The following USP13 variants were observed in gnomAD, a reference collection of about 807,000 sequenced individuals.
USP13 encodes the protein ubiquitin specific peptidase 13.
Under a neutral mutation model 107.8 loss-of-function variants are expected in USP13, and 68 were observed. That is an observed-to-expected ratio of 0.63 (90% CI 0.52 to 0.77). The LOEUF is 0.77. USP13 is among the 30% of genes least tolerant of loss of function. The pLI, the probability that USP13 is intolerant of heterozygous loss-of-function variation, is 0.00. For synonymous variants in USP13, 377 were observed against 389.5 expected, an observed-to-expected ratio of 0.97 and a Z score of 0.38; for missense variants, 945 against 1,093.3, an observed-to-expected ratio of 0.86 and a Z score of 1.91.
intron 10 of USP13, among the ~76,000 whole-genome samples, chr3:179,735,158 G>A (rs1713952347): frequency 6.6e-6 from 1 of 152,290 alleles, no homozygotes; most frequent in Middle Eastern, 3.4e-3. Flanking sequence ...TAAAGTTAGT[G>A]GTCAGGACTA....
chr3:179,738,664 T>C (rs989648144), intron 10 of USP13, among the ~76,000 whole-genome samples: 1 of 152,192 alleles, frequency 6.6e-6, no homozygotes, highest in Non-Finnish European at 1.5e-5. Flanking sequence ...TGATGTGGAA[T>C]CTTCCTACCT....
chr3:179,656,419 C>T (rs1389423802), intron 1 of USP13, among the ~76,000 whole-genome samples: 1 of 152,230 alleles, frequency 6.6e-6, no homozygotes, highest in African/African-American at 2.4e-5. Flanking sequence ...AAGGCACTGT[C>T]TGTAGACCTT....
intron 19 of USP13, among the ~76,000 whole-genome samples, chr3:179,769,657 C>A (rs1489836419): frequency 6.6e-6 from 1 of 152,206 alleles, no homozygotes; most frequent in Non-Finnish European, 1.5e-5. Flanking sequence ...AGTCTGCCCA[C>A]CTCTGCCTCT....
intron 10 of USP13, among the ~76,000 whole-genome samples, chr3:179,739,038 A>G (rs1454417181): frequency 6.6e-6 from 1 of 152,040 alleles, no homozygotes; most frequent in African/African-American, 2.4e-5. Flanking sequence ...TTGTGGGGGA[A>G]CATTGGTGGT....
chr3:179,752,344 T>A lies in USP13; in HGVS notation c.1769T>A (p.Phe590Tyr), dbSNP rs758662512. The A allele has an allele frequency of 6.8e-6, 11 of 1,614,150 alleles. No individual in the cohort carries two copies. The highest frequency in any genetic ancestry group is 9.3e-6 in the Non-Finnish European group (11 of 1,180,012). The change falls in exon 14 of 21, where the codon TTT becomes TAT. Residue 590 changes from phenylalanine (F) to tyrosine (Y), a missense_variant. Physicochemically the swap from Phe to Tyr is conservative, Grantham distance 22. Transcript: ENST00000263966. ...GTAGTGCAGATAAAGAAGTTCACTT[T>A]TGGTCTTGACTGGGTTCCCAAAAAA... is the stretch of plus-strand genomic sequence containing the variant. ...YLVVQIKKFT[F>Y]GLDWVPKKFD...
At chr3:179,677,156 C>A (rs985246846) in intron 1 of USP13, among the ~76,000 whole-genome samples, 3 of 151,848 alleles carry the variant, frequency 2.0e-5, no homozygotes, top group African/African-American at 7.3e-5. Context: ...CTGTGCCCGG[C>A]CACCTGTTGA....
intron 1 of USP13, among the ~76,000 whole-genome samples, chr3:179,670,219 C>T (rs1340020771): frequency 6.6e-6 from 1 of 152,148 alleles, no homozygotes. Flanking sequence ...GTATAAAGAC[C>T]CCAATCCTCA....
Position 179,707,220 on chromosome 3 carries a change from A to C in USP13, c.620+144A>C, listed in dbSNP as rs938684184. ...AAAGTAAATATAAAACTTCTCTAAA[A>C]TTGTCTGTAGCTTTGTAGTAGATGC... is the stretch of plus-strand genomic sequence containing the variant. On this transcript the variant is annotated intron_variant, in intron 5 of 20. Coordinates refer to ENST00000263966, the MANE Select transcript of USP13 (RefSeq NM_003940.3). 5 of 1,172,428 alleles carry C rather than the reference A, an allele frequency of 4.3e-6. No individual in the cohort carries two copies. In the African/African-American group the frequency reaches 7.8e-5, roughly 18 times the overall value. 72.6% of individuals were successfully genotyped at this position (1,172,428 alleles called of 1,614,324 possible).
At chr3:179,751,326 C>T (rs887274546) in intron 13 of USP13, among the ~76,000 whole-genome samples, 1 of 152,034 alleles carries the variant, frequency 6.6e-6, no homozygotes, top group Admixed American at 6.6e-5. Context: ...ACTTCAAGGC[C>T]CAGATTCAGA....
At chr3:179,750,916 C>T (rs534896905) in intron 13 of USP13, among the ~76,000 whole-genome samples, 1 of 152,238 alleles carries the variant, frequency 6.6e-6, no homozygotes, top group East Asian at 1.9e-4. Flanking sequence ...GTGTTCTGTC[C>T]CTGCGCTGTG....
intron 15 of USP13, among the ~76,000 whole-genome samples, chr3:179,756,442 AAAC>A (rs1714804030): frequency 7.3e-6 from 1 of 136,916 alleles, no homozygotes; most frequent in South Asian, 2.4e-4. Flanking sequence ...ACAAACAAAC[AAAC>A]AAAAAATACA....
chr3:179,756,270 A>T lies in USP13; in HGVS notation c.1922-782A>T, dbSNP rs770268483. 2.0e-5 allele frequency among the ~76,000 whole-genome samples: 3 copies of T among 152,168 alleles called. No individual in the cohort carries two copies. In the East Asian group the frequency reaches 5.8e-4, roughly 29 times the overall value. On this transcript the variant is annotated intron_variant, in intron 15 of 20. Coordinates refer to ENST00000263966, the MANE Select transcript of USP13 (RefSeq NM_003940.3). ...AAACCTCACCTCTACTAAAAATACG[A>T]AAGTTCACTGGGCGTGGCCACACTT...
chr3:179,722,514 C>T (rs1162875901), intron 8 of USP13, among the ~76,000 whole-genome samples: 1 of 152,018 alleles, frequency 6.6e-6, no homozygotes, highest in Admixed American at 6.6e-5. Context: ...ATTATGGGTA[C>T]ATAACAGGTG....
chr3:179,704,146 G>A (rs1192877989), intron 4 of USP13, among the ~76,000 whole-genome samples: 1 of 152,180 alleles, frequency 6.6e-6, no homozygotes, highest in Non-Finnish European at 1.5e-5. Context: ...GGGCCTTTAA[G>A]TGATTTTGGA....
At chr3:179,783,969 C>T (rs898937908) in intron 20 of USP13, 79 bp from the exon 21 acceptor site, 21 of 1,114,332 alleles carry the variant, frequency 1.9e-5, no homozygotes, top group Non-Finnish European at 2.8e-5. Context: ...TGTTGTGCGC[C>T]ATATGATTTA....
chr3:179,738,092 G>A (rs1029876749), intron 10 of USP13, among the ~76,000 whole-genome samples: 1 of 152,178 alleles, frequency 6.6e-6, no homozygotes, highest in African/African-American at 2.4e-5. Context: ...CCAGACTATA[G>A]GCATGGACCT....
chr3:179,713,154 T>C lies in USP13; in HGVS notation c.805+4197T>C, dbSNP rs529142112. On this transcript the variant is annotated intron_variant, in intron 6 of 20. Coordinates refer to ENST00000263966, the MANE Select transcript of USP13 (RefSeq NM_003940.3). ...AATTGACAGTATTTGAATGCATCTGTTTCAATCATAGAAAGTATAAAACAT... is the reference window on the plus strand; with the variant it reads ...AATTGACAGTATTTGAATGCATCTGCTTCAATCATAGAAAGTATAAAACAT... 8.5e-5 allele frequency among the ~76,000 whole-genome samples: 13 copies of C among 152,366 alleles called. No individual in the cohort carries two copies. The South Asian group carries it at 2.3e-3, about 27-fold the overall frequency.
In USP13 at chr3:179,785,209, A is replaced by G. The variant is rs1715885386; in HGVS notation, c.*1068A>G. 6.6e-6 allele frequency: 1 copy of G among 152,118 alleles called. No homozygotes were observed. The highest frequency in any genetic ancestry group is 2.4e-5 in the African/African-American group (1 of 41,402). 9.4% of individuals were successfully genotyped at this position (152,118 alleles called of 1,614,324 possible). ...TGATTTTCCCATCTCTGAGCTCTTT[A>G]TCTGCCTCCGTTTCCTTGTTTTTCT... On this transcript the variant is annotated 3_prime_UTR_variant, in exon 21 of 21. Coordinates refer to ENST00000263966, the MANE Select transcript of USP13 (RefSeq NM_003940.3).
intron 3 of USP13, among the ~76,000 whole-genome samples, chr3:179,697,650 A>G (rs1047363354): frequency 1.3e-5 from 2 of 152,144 alleles, no homozygotes; most frequent in African/African-American, 2.4e-5. Flanking sequence ...CTAGGGTATG[A>G]TTACTCTGTA....
Sources: gnomAD v4.1 joint callset for allele counts (sites outside exome capture counted in the v4.1 genomes callset) on GRCh38, gnomAD v4.1.1 for gene constraint, MANE v1.5 for transcripts, NCBI Gene and HGNC (gene_info 2026-07-23, HGNC 2026-07-21) for gene names.